ERC2: variants seen among roughly 807,000 people sequenced by gnomAD.
The protein encoded by ERC2 is ERC protein 2.
Under a neutral mutation model 114.8 loss-of-function variants are expected in ERC2, and 42 were observed. The ratio of observed to expected loss-of-function variants is 0.37; its 90% CI spans 0.29 to 0.47. The LOEUF (loss-of-function observed/expected upper bound fraction) is 0.47. ERC2 is among the 20% of genes least tolerant of loss of function. ERC2 has a pLI of 0.99. For synonymous variants in ERC2, 454 were observed against 425.5 expected, an observed-to-expected ratio of 1.07 and a Z score of -0.82; for missense variants, 939 against 1,150.7, an observed-to-expected ratio of 0.82 and a Z score of 2.66.
chr3:56,068,977 G>A (rs762622758), intron 7 of ERC2, among the ~76,000 whole-genome samples: 4 of 152,184 alleles, frequency 2.6e-5, no homozygotes, highest in East Asian at 1.9e-4. Flanking sequence ...CGATTTTAGA[G>A]TAAGTGCCAT....
intron 14 of ERC2, among the ~76,000 whole-genome samples, chr3:55,744,101 G>C (rs957865860): frequency 6.6e-6 from 1 of 152,128 alleles, no homozygotes; most frequent in African/African-American, 2.4e-5. Flanking sequence ...GTCTTCATTT[G>C]CATAGAAGTG....
At chr3:56,035,906 G>A (rs767598405) in intron 7 of ERC2, among the ~76,000 whole-genome samples, 8 of 151,612 alleles carry the variant, frequency 5.3e-5, no homozygotes, top group Middle Eastern at 3.4e-3. Context: ...AGAATACTAC[G>A]AGAAAAAAAA....
intron 17 of ERC2, among the ~76,000 whole-genome samples, chr3:55,589,768 A>G (rs147039092): frequency 1.1e-3 from 161 of 152,234 alleles, no homozygotes; most frequent in African/African-American, 3.8e-3. Flanking sequence ...GTCAAGCCCA[A>G]GAGGCAAGCC....
chr3:55,887,410 G>T (rs2063398866), intron 14 of ERC2, among the ~76,000 whole-genome samples: 3 of 152,050 alleles, frequency 2.0e-5, no homozygotes, highest in South Asian at 2.1e-4. Flanking sequence ...CATGTGTAAG[G>T]CTTGCTGGGT....
chr3:56,322,348 T>C (rs2057166653), intron 2 of ERC2, among the ~76,000 whole-genome samples: 1 of 152,226 alleles, frequency 6.6e-6, no homozygotes. Flanking sequence ...CCTTTTGCAA[T>C]ATGATTTTGC....
intron 12 of ERC2, among the ~76,000 whole-genome samples, chr3:55,957,810 G>A (rs1341886600): frequency 6.6e-6 from 1 of 152,204 alleles, no homozygotes; most frequent in Non-Finnish European, 1.5e-5. Context: ...TTCCACTGCG[G>A]GCACCAGGAA....
chr3:56,086,042 G>A (rs1435999202), intron 6 of ERC2, among the ~76,000 whole-genome samples: 7 of 152,066 alleles, frequency 4.6e-5, no homozygotes, highest in Admixed American at 3.3e-4. Context: ...GAGAGTCAAG[G>A]GCTCTTAAAA....
chr3:55,699,391 G>A lies in ERC2; in HGVS notation c.2834C>T (p.Pro945Leu), dbSNP rs2063106819. ...PGRSQHSNHRPSPDQDDEEGI... is the reference protein window; with the variant it reads ...PGRSQHSNHRLSPDQDDEEGI... ...GATGAAACTGACCTGGTCCGGAGAG[G>A]GCCTGTGATTGGAATGTTGCGACCT... The change falls in exon 16 of 18, where the codon CCC becomes CTC. Residue 945 changes from proline to leucine, a missense_variant. Transcript: ENST00000288221. 1.9e-6 allele frequency: 3 copies of A among 1,613,758 alleles called. No individual in the cohort carries two copies. Among genetic ancestry groups the A allele is most frequent in the Non-Finnish European group, 2.5e-6 (3 of 1,179,804 alleles).
At chr3:55,667,852 G>A (rs182228479) in intron 17 of ERC2, among the ~76,000 whole-genome samples, 1 of 152,326 alleles carries the variant, frequency 6.6e-6, no homozygotes, top group African/African-American at 2.4e-5. Flanking sequence ...TGGGCAGTTT[G>A]CCCCTGGAGA....
chr3:56,038,169 T>C (rs181785819), intron 7 of ERC2, among the ~76,000 whole-genome samples: 7 of 152,284 alleles, frequency 4.6e-5, no homozygotes, highest in African/African-American at 9.6e-5. Context: ...GAGAAAATTT[T>C]TGCAATCTAT....
intron 17 of ERC2, among the ~76,000 whole-genome samples, chr3:55,651,014 ATTTTTTTTTTT>A (rs71096493): frequency 1.9e-4 from 18 of 96,322 alleles, no homozygotes; most frequent in Middle Eastern, 7.0e-3. Context: ...CACCCAGCTA[ATTTTTTTTTTT>A]TTTTTTTTTT....
chr3:55,663,303 A>C (rs2061217371), intron 17 of ERC2, among the ~76,000 whole-genome samples: 1 of 152,222 alleles, frequency 6.6e-6, no homozygotes, highest in African/African-American at 2.4e-5. Context: ...TACCTGCCAG[A>C]GCAGCCAGTA....
intron 2 of ERC2, among the ~76,000 whole-genome samples, chr3:56,313,473 C>T (rs750644634): frequency 2.0e-5 from 3 of 152,100 alleles, no homozygotes; most frequent in South Asian, 2.1e-4. Flanking sequence ...TACTCATCAT[C>T]GCTAGGCTAG....
chr3:55,544,213 C>T (rs569121970), intron 17 of ERC2, among the ~76,000 whole-genome samples: 1 of 152,298 alleles, frequency 6.6e-6, no homozygotes, highest in South Asian at 2.1e-4. Flanking sequence ...TCTCAGCCTC[C>T]CAATTAGAGT....
chr3:56,206,293 C>G (rs922267682), intron 3 of ERC2, among the ~76,000 whole-genome samples: 21 of 152,100 alleles, frequency 1.4e-4, no homozygotes, highest in Non-Finnish European at 2.9e-5. Context: ...GCCTCCAAAG[C>G]TTTTGGGTCT....
chr3:56,311,241 C>CTG (rs1205777277), intron 2 of ERC2, among the ~76,000 whole-genome samples: 1 of 18,298 alleles, frequency 5.5e-5, no homozygotes, highest in Admixed American at 7.9e-4. Context: ...TTCTCTCTCT[C>CTG]TCTCTCTCTC....
At chr3:55,525,459 C>T (rs1197175696) in intron 17 of ERC2, among the ~76,000 whole-genome samples, 3 of 152,114 alleles carry the variant, frequency 2.0e-5, no homozygotes, top group Non-Finnish European at 2.9e-5. Flanking sequence ...CATATGGTGT[C>T]AGAGAGGGCC....
At chr3:55,678,041 C>T (rs1194355593) in intron 17 of ERC2, among the ~76,000 whole-genome samples, 2 of 152,182 alleles carry the variant, frequency 1.3e-5, no homozygotes, top group Non-Finnish European at 2.9e-5. Context: ...AAGCTCTAAA[C>T]AGCAGCTTTG....
At chr3:56,415,229 A>G (rs1342180729) in intron 2 of ERC2, among the ~76,000 whole-genome samples, 1 of 152,218 alleles carries the variant, frequency 6.6e-6, no homozygotes, top group Non-Finnish European at 1.5e-5. Context: ...AAAAACTGCT[A>G]TATTCAGGAA....
Sources: allele counts gnomAD v4.1 joint callset (sites outside exome capture counted in the v4.1 genomes callset), GRCh38; gene constraint gnomAD v4.1.1; transcripts MANE v1.5; gene names NCBI Gene and HGNC (gene_info 2026-07-23, HGNC 2026-07-21).